FAM133B: variants seen among roughly 807,000 people sequenced by gnomAD.
FAM133B encodes the protein protein FAM133B.
Under a neutral mutation model 46.4 loss-of-function variants are expected in FAM133B, and 25 were observed. The observed-to-expected ratio is 0.54, with a 90% CI of 0.39 to 0.75. The LOEUF (loss-of-function observed/expected upper bound fraction) is 0.75, where lower values mean the gene tolerates loss of function less well. FAM133B is among the 30% of genes least tolerant of loss of function. FAM133B has a pLI of 0.00. For missense variants in FAM133B, 205 were observed against 277.6 expected, an observed-to-expected ratio of 0.74 and a Z score of 1.86; for synonymous variants, 75 against 86.0, an observed-to-expected ratio of 0.87 and a Z score of 0.71.
chr7:92,564,398 A>G (rs1794259184), intron 10 of FAM133B, among the ~76,000 whole-genome samples: 1 of 152,192 alleles, frequency 6.6e-6, no homozygotes, highest in African/African-American at 2.4e-5. Flanking sequence ...GAGTTGCTTC[A>G]TACATACACA....
chr7:92,563,873 T>C (rs892275614), intron 10 of FAM133B, among the ~76,000 whole-genome samples: 4 of 152,190 alleles, frequency 2.6e-5, no homozygotes. Flanking sequence ...AAAATGTATC[T>C]CAAATCCATC....
chr7:92,567,830 C>T (rs1794405321), intron 9 of FAM133B, among the ~76,000 whole-genome samples: 1 of 150,362 alleles, frequency 6.7e-6, no homozygotes, highest in African/African-American at 2.5e-5. Context: ...GTGGTGTGAT[C>T]TCGGCTCACT....
At chr7:92,584,819 T>C (rs1794993728) in intron 1 of FAM133B, among the ~76,000 whole-genome samples, 1 of 152,276 alleles carries the variant, frequency 6.6e-6, no homozygotes, top group Admixed American at 6.5e-5. Flanking sequence ...GTATTATTTG[T>C]ACTGTTCAAC....
intron 10 of FAM133B, among the ~76,000 whole-genome samples, chr7:92,563,267 T>G (rs1355289060): frequency 6.6e-6 from 1 of 152,218 alleles, no homozygotes; most frequent in Non-Finnish European, 1.5e-5. Flanking sequence ...TCTGTGGCAC[T>G]AAGCTAATTT....
Position 92,590,365 on chromosome 7 carries a change from A to G in FAM133B, c.-74T>C. On this transcript the variant is annotated 5_prime_UTR_variant, in exon 1 of 11. Transcript: ENST00000445716. ...GAGACTGCCGAAGAGGGCCTGCCGC[A>G]GGTCCTCTTGCCGCCTCCCCACTCC... The G allele has an allele frequency of 6.2e-7, 1 of 1,606,816 alleles. No individual in the cohort carries two copies. The highest frequency in any genetic ancestry group is 8.5e-7 in the Non-Finnish European group (1 of 1,176,454).
chr7:92,581,675 T>C, intron 1 of FAM133B, 72 bp from the exon 2 acceptor site: 1 of 1,126,868 alleles, frequency 8.9e-7, no homozygotes, highest in East Asian at 2.4e-5. Flanking sequence ...ACTCATCAAG[T>C]AATCTTTACT....
Position 92,562,308 on chromosome 7 carries a change from C to T in FAM133B, c.718G>A (p.Ala240Thr), listed in dbSNP as rs780188303. Residue 240 changes from alanine to threonine, a missense_variant, in exon 11 of 11, where the codon GCT (alanine) becomes ACT (threonine). Ala to Thr is a moderately conservative substitution (Grantham distance 58). Transcript: ENST00000445716. ...TATGGTGAGTCAGGACTTGAACTAG[C>T]AGCCTTCTTTTTCTTCTTCTTACTG... ...KHSKKKKKKA[A>T]SSSPDSP 7.2e-6 allele frequency: 11 copies of T among 1,534,274 alleles called. No individual in the cohort carries two copies. Among genetic ancestry groups the T allele is most frequent in the South Asian group, 1.2e-5 (1 of 83,298 alleles).
At chr7:92,582,304 T>TAAATAACATAA (rs1554390082) in intron 1 of FAM133B, among the ~76,000 whole-genome samples, 1,828 of 143,608 alleles carry the variant, frequency 0.013, 20 homozygotes, top group African/African-American at 0.019. Flanking sequence ...ATAACATAAA[T>TAAATAACATAA]AACATAAAAT....
chr7:92,572,491 G>A (rs1794560976), intron 8 of FAM133B, among the ~76,000 whole-genome samples: 1 of 152,164 alleles, frequency 6.6e-6, no homozygotes, highest in Non-Finnish European at 1.5e-5. Flanking sequence ...AGGCTGAGGT[G>A]GGCGGATCAC....
intron 1 of FAM133B, among the ~76,000 whole-genome samples, chr7:92,587,100 T>C (rs1795056856): frequency 6.6e-6 from 1 of 151,122 alleles, no homozygotes; most frequent in Admixed American, 6.7e-5. Context: ...GGGAACCCTC[T>C]GTACTTTCTG....
At chr7:92,586,820 A>G (rs951445976) in intron 1 of FAM133B, among the ~76,000 whole-genome samples, 8 of 152,234 alleles carry the variant, frequency 5.3e-5, no homozygotes, top group Non-Finnish European at 1.0e-4. Flanking sequence ...GTCCCAAAGT[A>G]GCAGAAAAGA....
intron 7 of FAM133B, 38 bp downstream of exon 7, chr7:92,577,065 T>C: frequency 8.0e-7 from 1 of 1,249,162 alleles, no homozygotes; most frequent in Non-Finnish European, 1.1e-6. Flanking sequence ...TAATTAAATG[T>C]CTTTGTATCC....
rs369934943 is a variant in FAM133B, at chr7:92,581,578, G to A, written c.50C>T (p.Ala17Val). The A allele has an allele frequency of 6.2e-6, 10 of 1,613,656 alleles. No homozygotes were observed. Among genetic ancestry groups the A allele is most frequent in the South Asian group, 1.1e-5 (1 of 91,074 alleles). ...AGACTGGATTGGACCCCTTGATCTC[G>A]CCATTGCTATTGGGTTCATATAGGC... ...RVAYMNPIAM[A>V]RSRGPIQSSG... Residue 17 changes from alanine (A) to valine (V), a missense_variant, in exon 2 of 11, where the codon GCG becomes GTG. Physicochemically the swap from Ala to Val is moderately conservative, Grantham distance 64. Transcript: ENST00000445716.
Position 92,562,275 on chromosome 7 carries a change from C to G in FAM133B, c.*7G>C, listed in dbSNP as rs1412925991. 1 of 1,525,900 alleles carries G rather than the reference C, an allele frequency of 6.6e-7. No homozygotes were observed. Among genetic ancestry groups the G allele is most frequent in the South Asian group, 1.2e-5 (1 of 80,592 alleles). The allele number at this position is 1,525,900 out of a possible 1,614,324, so 94.5% of individuals were successfully genotyped here. ...TCTTTATAAGGGAATCCTGATTTTT[C>G]TTAATGTTATGGTGAGTCAGGACTT... On this transcript the variant is annotated 3_prime_UTR_variant, in exon 11 of 11. Transcript: ENST00000445716.
intron 1 of FAM133B, among the ~76,000 whole-genome samples, chr7:92,582,082 C>G: frequency 6.6e-6 from 1 of 152,008 alleles, no homozygotes; most frequent in Middle Eastern, 3.2e-3. Context: ...AACCCTGCCT[C>G]TACTAAAAAT....
At chr7:92,579,970 C>T (rs1463510260) in intron 2 of FAM133B, among the ~76,000 whole-genome samples, 4 of 152,310 alleles carry the variant, frequency 2.6e-5, no homozygotes, top group Admixed American at 1.3e-4. Context: ...AACTTGAATT[C>T]GGAGGATTCT....
chr7:92,572,215 T>C (rs1246798155), intron 8 of FAM133B, among the ~76,000 whole-genome samples: 2 of 152,200 alleles, frequency 1.3e-5, no homozygotes, highest in African/African-American at 4.8e-5. Flanking sequence ...GAATGGCTAA[T>C]AAGCAGGTTA....
chr7:92,566,210 A>G (rs1794343486), intron 9 of FAM133B, 149 bp from the exon 10 acceptor site: 1 of 693,678 alleles, frequency 1.4e-6, no homozygotes, highest in Non-Finnish European at 2.4e-6. Flanking sequence ...AACTCCTGTT[A>G]TATCTCAATG....
chr7:92,581,719 A>T (rs1332755119), intron 1 of FAM133B, 116 bp from the exon 2 acceptor site: 5 of 734,830 alleles, frequency 6.8e-6, no homozygotes, highest in Non-Finnish European at 1.1e-5. Flanking sequence ...AAGTATATGC[A>T]ATCTGACTAA....
Sources: gnomAD v4.1 joint callset for allele counts (sites outside exome capture counted in the v4.1 genomes callset) on GRCh38, gnomAD v4.1.1 for gene constraint, MANE v1.5 for transcripts, NCBI Gene and HGNC (gene_info 2026-07-23, HGNC 2026-07-21) for gene names.